ADAM18: variants seen among roughly 807,000 people sequenced by gnomAD.
The protein encoded by ADAM18 is disintegrin and metalloproteinase domain-containing protein 18.
A neutral mutation model predicts 94.4 loss-of-function variants in ADAM18; 117 were observed. The ratio of observed to expected loss-of-function variants is 1.24; its 90% CI spans 1.07 to 1.45. The LOEUF (loss-of-function observed/expected upper bound fraction) is 1.45. ADAM18 is among the 40% of genes most tolerant of loss of function. The probability of loss-of-function intolerance (pLI) is 0.00; values close to 1 mark genes in which losing one functional copy is unlikely to be tolerated. For synonymous variants in ADAM18, 327 were observed against 291.6 expected (o/e 1.12, Z -1.24); for missense variants, 936 against 880.0 (o/e 1.06, Z -0.81).
At chr8:39,642,431 T>C (rs757841321) in intron 10 of ADAM18, among the ~76,000 whole-genome samples, 38 of 152,068 alleles carry the variant, frequency 2.5e-4, no homozygotes, top group South Asian at 4.1e-4. Flanking sequence ...GAGTTAACTT[T>C]TGTGTATGGT....
At chr8:39,701,920 G>A (rs1412602971) in intron 17 of ADAM18, among the ~76,000 whole-genome samples, 1 of 152,084 alleles carries the variant, frequency 6.6e-6, no homozygotes, top group Non-Finnish European at 1.5e-5. Flanking sequence ...CCATGTATTT[G>A]CTATTGTGAC....
chr8:39,704,210 G>A (rs1410506289), intron 17 of ADAM18, among the ~76,000 whole-genome samples: 1 of 152,020 alleles, frequency 6.6e-6, no homozygotes, highest in Non-Finnish European at 1.5e-5. Flanking sequence ...CATTCTATGA[G>A]GACAGCATCA....
Position 39,609,053 on chromosome 8 carries a change from C to G in ADAM18, c.200C>G (p.Pro67Arg). ...TCTTGGTTTTTTAGATCATTCTTAC[C>G]CCAGAACTTTTTGGTTTATACATAT... is the stretch of plus-strand genomic sequence containing the variant. ...TLHLGKQSFL[P>R]QNFLVYTYNE... The change falls in exon 4 of 20, where the codon CCC (proline) becomes CGC (arginine). Residue 67 changes from proline to arginine, a missense_variant. Transcript: ENST00000265707. The G allele has an allele frequency of 6.4e-7, 1 of 1,568,054 alleles. No individual in the cohort carries two copies. Among genetic ancestry groups the G allele is most frequent in the Non-Finnish European group, 8.7e-7 (1 of 1,155,022 alleles).
intron 2 of ADAM18, among the ~76,000 whole-genome samples, chr8:39,590,098 G>T (rs1424039938): frequency 2.0e-5 from 3 of 151,134 alleles, no homozygotes; most frequent in South Asian, 2.1e-4. Context: ...TATACCCAAA[G>T]GACTATAAAT....
chr8:39,689,744 G>A (rs1337267696), intron 16 of ADAM18, among the ~76,000 whole-genome samples: 2 of 152,172 alleles, frequency 1.3e-5, no homozygotes, highest in African/African-American at 4.8e-5. Context: ...AATCTCAGTG[G>A]TGGTTTAATG....
chr8:39,661,336 T>TGGA, intron 12 of ADAM18, among the ~76,000 whole-genome samples: 2 of 54,088 alleles, frequency 3.7e-5, no homozygotes, highest in Non-Finnish European at 1.1e-4. Flanking sequence ...TTTTTTTTTT[T>TGGA]TTTTTTTTTT....
At position 39,648,528 on chromosome 8, in the gene ADAM18, G is replaced by A; in HGVS notation, c.1230+1G>A. Reference sequence around the variant, plus strand: ...AGAATGTGACTGTGGTAATAAAAATGTGAGTAACAAAGATTGAAACTCGAG... The same window carrying A: ...AGAATGTGACTGTGGTAATAAAAATATGAGTAACAAAGATTGAAACTCGAG... On this transcript the variant is annotated splice_donor_variant, in intron 12 of 19. Transcript: ENST00000265707. LOFTEE classifies it high-confidence loss of function. 1.9e-6 allele frequency: 3 copies of A among 1,591,372 alleles called. 1 individual carries two copies. In the South Asian group the frequency reaches 3.5e-5, roughly 18 times the overall value.
Position 39,638,366 on chromosome 8 carries a change from A to G in ADAM18, c.828-99A>G. The G allele has an allele frequency of 5.7e-6, 4 of 703,274 alleles. No homozygotes were observed. In the Admixed American group the frequency reaches 1.4e-4, roughly 24 times the overall value. 43.6% of individuals were successfully genotyped at this position (703,274 alleles called of 1,614,324 possible). ...AGTTTGAAGCTTTATATATTTGCAAAGTCATTTTTAAAATTTTATGTGAAG... is the reference window on the plus strand; with the variant it reads ...AGTTTGAAGCTTTATATATTTGCAAGGTCATTTTTAAAATTTTATGTGAAG... On this transcript the variant is annotated intron_variant, in intron 9 of 19. Transcript: ENST00000265707.
rs544356918 is a variant in ADAM18, at chr8:39,604,922, T to C, written c.133-1385T>C. 2.8e-3 allele frequency among the ~76,000 whole-genome samples: 429 copies of C among 151,874 alleles called. 1 individual carries two copies. The highest frequency in any genetic ancestry group is 5.0e-3 in the Non-Finnish European group (340 of 67,890). On this transcript the variant is annotated intron_variant, in intron 2 of 19. Transcript: ENST00000265707. ...GTGTAGATGTACCTCAGAAGTTAGATAGATTTTTATTGTGGACTTGCCATT... is the reference window on the plus strand; with the variant it reads ...GTGTAGATGTACCTCAGAAGTTAGACAGATTTTTATTGTGGACTTGCCATT...
Position 39,677,540 on chromosome 8 carries a change from C to G in ADAM18, c.1631+4C>G. 6 of 1,572,904 alleles carry G rather than the reference C, an allele frequency of 3.8e-6. No homozygotes were observed. The highest frequency in any genetic ancestry group is 4.3e-6 in the Non-Finnish European group (5 of 1,160,752). ...AACCATTACCTTGTGAACGGAAGTA[C>G]GTATGTAGAAAATGATTGCTTCTTT... On this transcript the variant is annotated splice_donor_region_variant and intron_variant, in intron 15 of 19. Coordinates refer to ENST00000265707, the MANE Select transcript of ADAM18 (RefSeq NM_014237.3).
At chr8:39,654,932 A>C (rs1820644536) in intron 12 of ADAM18, among the ~76,000 whole-genome samples, 1 of 152,146 alleles carries the variant, frequency 6.6e-6, no homozygotes, top group South Asian at 2.1e-4. Flanking sequence ...ATGCTTTTAT[A>C]TTAAGCTATT....
chr8:39,654,295 C>A (rs982018509), intron 12 of ADAM18, among the ~76,000 whole-genome samples: 36 of 151,200 alleles, frequency 2.4e-4, no homozygotes, highest in Admixed American at 1.2e-3. Flanking sequence ...GTAGCTGGAT[C>A]TCCTGACCTT....
Position 39,688,681 on chromosome 8 carries a change from C to T in ADAM18, c.1822-3919C>T, listed in dbSNP as rs908867865. Among the ~76,000 whole-genome samples, 3 of 152,130 alleles carry T rather than the reference C, an allele frequency of 2.0e-5. No homozygotes were observed. The East Asian group carries it at 5.8e-4, about 29-fold the overall frequency. ...CATGTCTTTGTTATTGTGAAGAGTG[C>T]TGCAATGAACATACATGTGCCCTTA... On this transcript the variant is annotated intron_variant, in intron 16 of 19. Transcript: ENST00000265707.
intron 13 of ADAM18, among the ~76,000 whole-genome samples, chr8:39,665,589 A>C (rs554738504): frequency 6.6e-6 from 1 of 152,332 alleles, no homozygotes; most frequent in South Asian, 2.1e-4. Flanking sequence ...TTGCTTTGTA[A>C]ATTGAATGTA....
At chr8:39,654,601 G>C (rs1820636043) in intron 12 of ADAM18, among the ~76,000 whole-genome samples, 1 of 151,902 alleles carries the variant, frequency 6.6e-6, no homozygotes, top group African/African-American at 2.4e-5. Flanking sequence ...TCTATTTTTT[G>C]TTTGTTGAGG....
At chr8:39,636,002 T>C (rs1184107715) in intron 7 of ADAM18, among the ~76,000 whole-genome samples, 18 of 124,764 alleles carry the variant, frequency 1.4e-4, no homozygotes, top group Admixed American at 1.3e-3. Flanking sequence ...AACCATTAAG[T>C]TTTTTTGTTT....
chr8:39,635,457 T>G (rs1820050704), intron 7 of ADAM18, among the ~76,000 whole-genome samples: 1 of 152,170 alleles, frequency 6.6e-6, no homozygotes, highest in Non-Finnish European at 1.5e-5. Context: ...TTGAAAGAAC[T>G]TTAGACTTAC....
chr8:39,720,859 C>T (rs1822724088), intron 18 of ADAM18, among the ~76,000 whole-genome samples: 2 of 151,406 alleles, frequency 1.3e-5, no homozygotes, highest in Non-Finnish European at 3.0e-5. Flanking sequence ...CAAGCATTGA[C>T]ACTTCCCGTG....
At chr8:39,586,808 A>G (rs1208930561) in intron 2 of ADAM18, among the ~76,000 whole-genome samples, 2 of 149,268 alleles carry the variant, frequency 1.3e-5, no homozygotes, top group African/African-American at 4.9e-5. Context: ...ATCTATATCT[A>G]TCTATCTATC....
Sources: gnomAD v4.1 joint callset for allele counts (sites outside exome capture counted in the v4.1 genomes callset) on GRCh38, gnomAD v4.1.1 for gene constraint, MANE v1.5 for transcripts, NCBI Gene and HGNC (gene_info 2026-07-23, HGNC 2026-07-21) for gene names.